Variants in CMKLR1 observed in about 807,000 individuals in gnomAD.
CMKLR1 encodes the protein chemerin chemokine-like receptor 1.
Under a neutral mutation model 8.2 loss-of-function variants are expected in CMKLR1, and 6 were observed. The ratio of observed to expected loss-of-function variants is 0.73; its 90% CI spans 0.40 to 1.44. The LOEUF is 1.44. CMKLR1 is among the 40% of genes most tolerant of loss of function. The probability of loss-of-function intolerance (pLI) is 0.02; values close to 1 mark genes in which losing one functional copy is unlikely to be tolerated. For missense variants in CMKLR1, 429 were observed against 478.0 expected, an observed-to-expected ratio of 0.90 and a Z score of 0.96; for synonymous variants, 178 against 181.2, an observed-to-expected ratio of 0.98 and a Z score of 0.14.
chr12:108,316,366 A>G (rs898950053), intron 2 of CMKLR1, among the ~76,000 whole-genome samples: 1 of 152,164 alleles, frequency 6.6e-6, no homozygotes, highest in African/African-American at 2.4e-5. Flanking sequence ...AGAACAGAGG[A>G]TGACACCTCC....
At chr12:108,311,855 G>T (rs1031467657) in intron 2 of CMKLR1, among the ~76,000 whole-genome samples, 6 of 152,296 alleles carry the variant, frequency 3.9e-5, no homozygotes, top group Non-Finnish European at 7.4e-5. Flanking sequence ...ACTGCTGGGG[G>T]GACCTCAGAG....
intron 2 of CMKLR1, among the ~76,000 whole-genome samples, chr12:108,320,225 G>A (rs542026285): frequency 1.3e-5 from 2 of 152,244 alleles, no homozygotes; most frequent in Non-Finnish European, 2.9e-5. Flanking sequence ...GGGATTTAAA[G>A]CTGTGATGGT....
chr12:108,303,925 G>A (rs771760519), intron 2 of CMKLR1, among the ~76,000 whole-genome samples: 12 of 152,200 alleles, frequency 7.9e-5, no homozygotes, highest in African/African-American at 1.2e-4. Context: ...CCCAGAGCTG[G>A]TGTGGCTGCT....
rs1354165117 is a variant in CMKLR1 at position 108,304,341 on chromosome 12, C to T, written c.-73-10677G>A. ...AGGGCCTCACCTCCTCTGGCTGTTC[C>T]CCTGCCGGTGTGTGTCCTATGGGCT... On this transcript the variant is annotated intron_variant, in intron 2 of 3. Coordinates refer to ENST00000550402, the MANE Select transcript of CMKLR1 (RefSeq NM_001142343.2). Among the ~76,000 whole-genome samples, 30 of 152,192 alleles carry T rather than the reference C, an allele frequency of 2.0e-4. 1 individual carries two copies. The highest frequency in any genetic ancestry group is 2.9e-5 in the Non-Finnish European group (2 of 68,020).
chr12:108,315,856 G>A (rs763127466), intron 2 of CMKLR1, among the ~76,000 whole-genome samples: 3 of 152,134 alleles, frequency 2.0e-5, no homozygotes, highest in Non-Finnish European at 2.9e-5. Context: ...CCTTCAATCC[G>A]GGCTCATGAG....
At chr12:108,305,184 G>A (rs1222757690) in intron 2 of CMKLR1, among the ~76,000 whole-genome samples, 4 of 152,138 alleles carry the variant, frequency 2.6e-5, no homozygotes, top group South Asian at 2.1e-4. Flanking sequence ...TCTTGTTTAT[G>A]GTGTATCCCC....
intron 2 of CMKLR1, among the ~76,000 whole-genome samples, chr12:108,304,457 A>G (rs1238184282): frequency 6.6e-6 from 1 of 152,066 alleles, no homozygotes; most frequent in Non-Finnish European, 1.5e-5. Context: ...GGTTCTTTAC[A>G]TCGCAAAGCA....
chr12:108,306,345 G>A, intron 2 of CMKLR1, among the ~76,000 whole-genome samples: 1 of 152,086 alleles, frequency 6.6e-6, no homozygotes. Flanking sequence ...CCCTTGTACT[G>A]TCTACCCTTT....
intron 2 of CMKLR1, among the ~76,000 whole-genome samples, chr12:108,303,510 C>T (rs192567796): frequency 6.6e-6 from 1 of 152,194 alleles, no homozygotes; most frequent in Non-Finnish European, 1.5e-5. Flanking sequence ...ACTAACGTGC[C>T]CAAGGTCACA....
rs1343037978 is a variant in CMKLR1, at chr12:108,293,593, C to A, written c.-2G>T. ...CAGACCACAAGACTTCCTCACCATT[C>A]ACCGTTATGTTGTCTGCAGCTCTCC... On this transcript the variant is annotated 5_prime_UTR_variant, in exon 3 of 4. Coordinates refer to ENST00000550402, the MANE Select transcript of CMKLR1 (RefSeq NM_001142343.2). The A allele has an allele frequency of 1.9e-6, 3 of 1,550,682 alleles. No homozygotes were observed. In the Admixed American group the frequency reaches 5.9e-5, roughly 31 times the overall value.
At chr12:108,316,580 A>AGGTTG (rs1434106027) in intron 2 of CMKLR1, among the ~76,000 whole-genome samples, 1 of 152,186 alleles carries the variant, frequency 6.6e-6, no homozygotes, top group African/African-American at 2.4e-5. Flanking sequence ...GGCTAAAAGG[A>AGGTTG]GTCTTCTGCC....
At chr12:108,310,670 GT>G (rs903220419) in intron 2 of CMKLR1, among the ~76,000 whole-genome samples, 2 of 152,176 alleles carry the variant, frequency 1.3e-5, no homozygotes, top group African/African-American at 4.8e-5. Flanking sequence ...ACTCAGATGG[GT>G]CTTCACGGGA....
intron 1 of CMKLR1, among the ~76,000 whole-genome samples, chr12:108,331,353 G>A (rs531423059): frequency 1.6e-4 from 25 of 152,284 alleles, no homozygotes; most frequent in Non-Finnish European, 7.4e-5. Flanking sequence ...CTGGTTCCTG[G>A]TTCGGTCCTG....
intron 1 of CMKLR1, among the ~76,000 whole-genome samples, chr12:108,333,030 C>G (rs1472764008): frequency 6.6e-6 from 1 of 152,160 alleles, no homozygotes; most frequent in Non-Finnish European, 1.5e-5. Flanking sequence ...CTCACATCTG[C>G]CAGACCACAG....
At chr12:108,325,479 T>C (rs1438224720) in intron 2 of CMKLR1, among the ~76,000 whole-genome samples, 1 of 152,126 alleles carries the variant, frequency 6.6e-6, no homozygotes, top group Non-Finnish European at 1.5e-5. Context: ...TCAGCCCAAT[T>C]CCAACTTCCC....
At chr12:108,293,736 C>A in intron 2 of CMKLR1, 72 bp from the exon 3 acceptor site, 1 of 783,682 alleles carries the variant, frequency 1.3e-6, no homozygotes, top group Non-Finnish European at 2.1e-6. Context: ...TGAGTGGACC[C>A]AGCCAGAAAT....
rs117193002 is a variant in CMKLR1 at position 108,327,933 on chromosome 12, C to A, written c.-74+2062G>T. Among the ~76,000 whole-genome samples, 531 of 152,302 alleles carry A rather than the reference C, an allele frequency of 3.5e-3. 2 individuals carry two copies. Among genetic ancestry groups the A allele is most frequent in the Middle Eastern group, 0.01 (3 of 294 alleles). ...ACATGGAGGATGTCCGGGGTCCCAG[C>A]CTGACAATCTCCTCCCGGGAGACCT... On this transcript the variant is annotated intron_variant, in intron 2 of 3. Coordinates refer to ENST00000550402, the MANE Select transcript of CMKLR1 (RefSeq NM_001142343.2).
rs1020829003 is a variant in CMKLR1 at position 108,291,999 on chromosome 12, C to T, written c.964G>A (p.Asp322Asn). 6.2e-7 allele frequency: 1 copy of T among 1,614,024 alleles called. No individual in the cohort carries two copies. Among genetic ancestry groups the T allele is most frequent in the Non-Finnish European group, 8.5e-7 (1 of 1,180,044 alleles). ...NPILYVFMGQ[D>N]FKKFKVALFS... is the part of the protein sequence containing the mutation. Reference sequence around the variant, plus strand: ...AGGGCCACCTTGAACTTCTTGAAGTCCTGACCCATGAAAACATACAGAATG... The same window carrying T: ...AGGGCCACCTTGAACTTCTTGAAGTTCTGACCCATGAAAACATACAGAATG... The change falls in exon 4 of 4, where the codon GAC becomes AAC. Residue 322 changes from aspartate (D) to asparagine (N), a missense_variant. Coordinates refer to ENST00000550402, the MANE Select transcript of CMKLR1 (RefSeq NM_001142343.2).
At chr12:108,310,478 T>G (rs937057524) in intron 2 of CMKLR1, among the ~76,000 whole-genome samples, 26 of 152,024 alleles carry the variant, frequency 1.7e-4, no homozygotes, top group African/African-American at 6.0e-4. Context: ...AAGTGCAGTT[T>G]TTGGAGGCTC....
Sources: allele counts gnomAD v4.1 joint callset (sites outside exome capture counted in the v4.1 genomes callset), GRCh38; gene constraint gnomAD v4.1.1; transcripts MANE v1.5; gene names NCBI Gene and HGNC (gene_info 2026-07-23, HGNC 2026-07-21).